TCAIM: variants seen among roughly 807,000 people sequenced by gnomAD.
TCAIM encodes the protein T cell activation inhibitor, mitochondrial.
TCAIM carries 36 observed loss-of-function variants against 58.6 expected under a neutral mutation model. The observed-to-expected ratio is 0.61, with a 90% CI of 0.47 to 0.81. TCAIM has a LOEUF of 0.81. TCAIM is among the 30% of genes least tolerant of loss of function. The pLI is 0.00. For missense variants in TCAIM, 466 were observed against 579.6 expected, an observed-to-expected ratio of 0.80 and a Z score of 2.01; for synonymous variants, 172 against 193.6, an observed-to-expected ratio of 0.89 and a Z score of 0.93.
At chr3:44,374,322 A>G (rs1205040156) in intron 5 of TCAIM, among the ~76,000 whole-genome samples, 1 of 150,198 alleles carries the variant, frequency 6.7e-6, no homozygotes, top group Non-Finnish European at 1.5e-5. Flanking sequence ...TATATTGTGA[A>G]TGCATTTCTA....
In TCAIM at chr3:44,408,504, T is replaced by C. The variant is rs560271777; in HGVS notation, c.*822T>C. The C allele has an allele frequency of 6.6e-6, 1 of 152,322 alleles. No individual in the cohort carries two copies. The highest frequency in any genetic ancestry group is 2.1e-4 in the South Asian group (1 of 4,826). 9.4% of individuals were successfully genotyped at this position (152,322 alleles called of 1,614,324 possible). A position where few individuals can be genotyped will look rare whatever the true frequency, so the allele number is the denominator to read the frequency against. Reference sequence around the variant, plus strand: ...TTGAAACGTGTGCATTAACAGAGAATTTAATTTTAAACCCATAATTTCTCC... The same window carrying C: ...TTGAAACGTGTGCATTAACAGAGAACTTAATTTTAAACCCATAATTTCTCC... On this transcript the variant is annotated 3_prime_UTR_variant, in exon 11 of 11. Transcript: ENST00000342649.
At chr3:44,351,290 G>A (rs1011977904) in intron 1 of TCAIM, among the ~76,000 whole-genome samples, 11 of 151,476 alleles carry the variant, frequency 7.3e-5, no homozygotes, top group African/African-American at 2.4e-4. Flanking sequence ...TCTTTCTTAC[G>A]GAGCAAAGAG....
At chr3:44,383,271 T>A (rs1409416079) in intron 5 of TCAIM, among the ~76,000 whole-genome samples, 1 of 152,218 alleles carries the variant, frequency 6.6e-6, no homozygotes, top group Non-Finnish European at 1.5e-5. Flanking sequence ...AGCAGCATTA[T>A]TCACAATAGC....
intron 3 of TCAIM, chr3:44,358,098 C>CTAAA (rs1701231883): frequency 6.6e-5 from 94 of 1,420,620 alleles, no homozygotes; most frequent in Non-Finnish European, 8.0e-5. Flanking sequence ...CATTTAAACT[C>CTAAA]TTTAGAGTAC....
In TCAIM at chr3:44,396,930, GTGTTTT is replaced by G. The variant is rs941113185; in HGVS notation, c.885+110_885+115del. On this transcript the variant is annotated intron_variant, in intron 8 of 10. Transcript: ENST00000342649. ...TTAAGGGACTAAAAAAAGGTTTGTTGTGTTTTTGTTTTTGTTTTTTAATGTTTTTAA... is the reference window on the plus strand; with the variant it reads ...TTAAGGGACTAAAAAAAGGTTTGTTGTGTTTTTGTTTTTTAATGTTTTTAA... 6.1e-5 allele frequency: 77 copies of G among 1,259,626 alleles called. No individual in the cohort carries two copies. The African/African-American group carries it at 9.2e-4, about 15-fold the overall frequency. The allele number at this position is 1,259,626 out of a possible 1,614,324, so 78.0% of individuals were successfully genotyped here.
chr3:44,402,600 G>T (rs1450776519), intron 10 of TCAIM, among the ~76,000 whole-genome samples: 1 of 152,032 alleles, frequency 6.6e-6, no homozygotes, highest in Non-Finnish European at 1.5e-5. Flanking sequence ...TGACTGTTAC[G>T]TGCCCAAAGC....
intron 5 of TCAIM, among the ~76,000 whole-genome samples, chr3:44,378,746 G>C (rs111256290): frequency 0.14 from 20,830 of 151,356 alleles, 1,480 homozygotes; most frequent in Admixed American, 0.17. Flanking sequence ...GGGATGCAGA[G>C]GTTGCAGTGA....
intron 4 of TCAIM, chr3:44,362,746 A>G (rs1559566333): frequency 4.3e-6 from 1 of 231,234 alleles, no homozygotes; most frequent in South Asian, 1.8e-4. Context: ...TGATCACTCT[A>G]AGTGACACAA....
chr3:44,369,965 T>A (rs1701438053), intron 5 of TCAIM, among the ~76,000 whole-genome samples: 1 of 152,212 alleles, frequency 6.6e-6, no homozygotes, highest in African/African-American at 2.4e-5. Flanking sequence ...AGGGCCATTT[T>A]TTCTTAAAGT....
intron 1 of TCAIM, among the ~76,000 whole-genome samples, chr3:44,348,150 TGAAAA>T (rs1701008995): frequency 6.6e-6 from 1 of 152,062 alleles, no homozygotes; most frequent in Non-Finnish European, 1.5e-5. Context: ...AACAGGCCCT[TGAAAA>T]GAAGGTAATG....
chr3:44,354,596 T>C (rs1372801431), intron 1 of TCAIM, 143 bp from the exon 2 acceptor site: 2 of 513,610 alleles, frequency 3.9e-6, no homozygotes, highest in East Asian at 6.6e-5. Context: ...TCTGAGTTTG[T>C]AGTTTTCCTT....
Sources: allele counts gnomAD v4.1 joint callset (sites outside exome capture counted in the v4.1 genomes callset), GRCh38; gene constraint gnomAD v4.1.1; transcripts MANE v1.5; gene names NCBI Gene and HGNC (gene_info 2026-07-23, HGNC 2026-07-21).